LANCL3: variants seen among roughly 807,000 people sequenced by gnomAD.
LANCL3 encodes the protein lanC-like protein 3.
In LANCL3, 19 loss-of-function variants were observed where a neutral mutation model predicts 26.5. The observed-to-expected ratio is 0.72, with a 90% confidence interval of 0.50 to 1.05. LANCL3 has a LOEUF of 1.05. Among genes scored for constraint, LANCL3 ranks in the 50% least tolerant of loss-of-function variants. The pLI is 0.00. For synonymous variants in LANCL3, 160 were observed against 166.6 expected (o/e 0.96, Z 0.30); for missense variants, 318 against 362.7 (o/e 0.88, Z 1.00).
chrX:37,659,605 G>T lies in LANCL3; in HGVS notation c.841G>T (p.Gly281Cys). The change falls in exon 3 of 5, where the codon GGC becomes TGC. Residue 281 changes from glycine to cysteine, a missense_variant. Physicochemically the swap from Gly to Cys is radical, Grantham distance 159. Coordinates refer to ENST00000378619, the MANE Select transcript of LANCL3 (RefSeq NM_001170331.2). ...EQNCNWPPEL[G>C]ETIERENELV... The stretch of plus-strand genomic sequence containing the variant: ...AAACTGCAACTGGCCACCTGAGCTC[G>T]GCGAGACCATCGAGAGAGAGAATGA... 1 of 1,210,354 alleles carries T rather than the reference G, an allele frequency of 8.3e-7. No homozygotes were observed. Among genetic ancestry groups the T allele is most frequent in the Non-Finnish European group, 1.1e-6 (1 of 895,093 alleles).
intron 1 of LANCL3, among the ~76,000 whole-genome samples, chrX:37,629,459 C>A (rs1250867372): frequency 3.7e-5 from 4 of 109,559 alleles, no homozygotes; most frequent in African/African-American, 1.3e-4. Context: ...TTAATTAGAT[C>A]CCATTTGTCA....
chrX:37,647,292 C>T (rs1376814929), intron 1 of LANCL3, among the ~76,000 whole-genome samples: 2 of 104,096 alleles, frequency 1.9e-5, no homozygotes, highest in Non-Finnish European at 3.9e-5. Context: ...CCAGCCTGGG[C>T]GACAGGGCAA....
intron 1 of LANCL3, among the ~76,000 whole-genome samples, chrX:37,644,556 G>C (rs1474984954): frequency 3.6e-5 from 4 of 111,296 alleles, no homozygotes; most frequent in Non-Finnish European, 7.5e-5. Context: ...GCCTGTGTTG[G>C]AAACACTGGA....
At position 37,682,317 on chromosome X, in the gene LANCL3, T is replaced by G. The variant is rs1047062936; in HGVS notation, c.*6504T>G. On this transcript the variant is annotated 3_prime_UTR_variant, in exon 5 of 5. Coordinates refer to ENST00000378619, the MANE Select transcript of LANCL3 (RefSeq NM_001170331.2). ...CGGGGTTTCACCGTTTTAGCCGGGATGGTCTCGATCTCCTGACCTCGTGAT... is the reference window on the plus strand; with the variant it reads ...CGGGGTTTCACCGTTTTAGCCGGGAGGGTCTCGATCTCCTGACCTCGTGAT... 1 of 110,116 alleles carries G rather than the reference T, an allele frequency of 9.1e-6. No individual in the cohort carries two copies. The highest frequency in any genetic ancestry group is 1.9e-5 in the Non-Finnish European group (1 of 52,704). The allele number at this position is 110,116 out of a possible 1,213,427, so 9.1% of individuals were successfully genotyped here. A position where few individuals can be genotyped will look rare whatever the true frequency, so the allele number is the denominator to read the frequency against.
chrX:37,628,737 G>A (rs2091099212), intron 1 of LANCL3, among the ~76,000 whole-genome samples: 1 of 107,857 alleles, frequency 9.3e-6, no homozygotes. Context: ...TGAGAATGAC[G>A]ATTTCTAATT....
intron 1 of LANCL3, 25 bp downstream of exon 1, chrX:37,572,468 A>G (rs1556415847): frequency 8.8e-7 from 1 of 1,141,988 alleles, no homozygotes; most frequent in Non-Finnish European, 1.2e-6. Flanking sequence ...GGGCCGCGGG[A>G]GGGCGCTCGC....
At position 37,572,908 on chromosome X, in the gene LANCL3, A is replaced by G. The variant is rs186407565; in HGVS notation, c.573+465A>G. Among the ~76,000 whole-genome samples the G allele has an allele frequency of 4.3e-3, 480 of 111,907 alleles. 2 individuals are homozygous for G. The highest frequency in any genetic ancestry group is 0.019 in the Middle Eastern group (4 of 215). On this transcript the variant is annotated intron_variant, in intron 1 of 4. Coordinates refer to ENST00000378619, the MANE Select transcript of LANCL3 (RefSeq NM_001170331.2). ...AGCCCTGGGTCTGTAACCAAGAATA[A>G]CTGCTCAGCTGTGGGTCTGATGTGT... is the stretch of plus-strand genomic sequence containing the variant.
chrX:37,619,813 G>A (rs1010557191), intron 1 of LANCL3, among the ~76,000 whole-genome samples: 4 of 111,569 alleles, frequency 3.6e-5, no homozygotes, highest in African/African-American at 1.3e-4. Flanking sequence ...TATTTTTCCT[G>A]GAAATGGAAA....
At chrX:37,666,967 A>C (rs1556434140) in intron 3 of LANCL3, among the ~76,000 whole-genome samples, 1 of 112,298 alleles carries the variant, frequency 8.9e-6, no homozygotes, top group African/African-American at 3.2e-5. Flanking sequence ...AGATTTTATC[A>C]ATCTATGTAC....
intron 1 of LANCL3, among the ~76,000 whole-genome samples, chrX:37,612,007 C>T (rs943046668): frequency 9.0e-6 from 1 of 110,701 alleles, no homozygotes; most frequent in African/African-American, 3.3e-5. Context: ...GTGGCACGAT[C>T]TCGGCTCACT....
chrX:37,640,454 T>A (rs1439250535), intron 1 of LANCL3, among the ~76,000 whole-genome samples: 8 of 111,661 alleles, frequency 7.2e-5, no homozygotes, highest in African/African-American at 2.6e-4. Flanking sequence ...CCCCGACATG[T>A]GAGGATTACG....
chrX:37,596,333 C>T (rs1437961086), intron 1 of LANCL3, among the ~76,000 whole-genome samples: 2 of 111,954 alleles, frequency 1.8e-5, no homozygotes, highest in African/African-American at 3.2e-5. Flanking sequence ...TTCCCTTTAG[C>T]GCAAGTGACT....
intron 1 of LANCL3, among the ~76,000 whole-genome samples, chrX:37,623,266 C>T (rs3117500): frequency 0.26 from 29,217 of 110,946 alleles, 3,721 homozygotes; most frequent in African/African-American, 0.51. Flanking sequence ...CTGAGAAACA[C>T]TTAATTCTCC....
At chrX:37,666,546 A>G (rs1429076015) in intron 3 of LANCL3, among the ~76,000 whole-genome samples, 2 of 112,251 alleles carry the variant, frequency 1.8e-5, no homozygotes, top group Non-Finnish European at 3.8e-5. Context: ...GCAGGAGAGA[A>G]TGTGATCTTG....
At chrX:37,636,820 C>T (rs1274654197) in intron 1 of LANCL3, among the ~76,000 whole-genome samples, 1 of 112,103 alleles carries the variant, frequency 8.9e-6, no homozygotes, top group Non-Finnish European at 1.9e-5. Flanking sequence ...ACACTTTCTT[C>T]ATCTCTTGCA....
intron 2 of LANCL3, among the ~76,000 whole-genome samples, chrX:37,658,424 G>A (rs1227493811): frequency 2.7e-5 from 3 of 112,243 alleles, no homozygotes; most frequent in Non-Finnish European, 5.6e-5. Context: ...AAGACAGTCA[G>A]GCAGGACAAA....
Position 37,672,036 on chromosome X carries a change from C to T in LANCL3, c.1104-3618C>T, listed in dbSNP as rs782416405. Among the ~76,000 whole-genome samples, 5 of 111,889 alleles carry T rather than the reference C, an allele frequency of 4.5e-5. No homozygotes were observed. The South Asian group carries it at 1.9e-3, about 42-fold the overall frequency. On this transcript the variant is annotated intron_variant, in intron 4 of 4. Transcript: ENST00000378619. Reference sequence around the variant, plus strand: ...AATTTCATCAGAAATGAATGAAATTCATTTATTCCCTATAAAGCGTATTAA... The same window carrying T: ...AATTTCATCAGAAATGAATGAAATTTATTTATTCCCTATAAAGCGTATTAA...
intron 1 of LANCL3, among the ~76,000 whole-genome samples, chrX:37,613,147 A>G (rs1371607424): frequency 9.3e-6 from 1 of 107,847 alleles, no homozygotes; most frequent in Non-Finnish European, 1.9e-5. Context: ...CCACACACAA[A>G]CTCTGCATCT....
chrX:37,632,192 G>A (rs375091972), intron 1 of LANCL3, among the ~76,000 whole-genome samples: 11 of 111,887 alleles, frequency 9.8e-5, no homozygotes, highest in East Asian at 8.4e-4. Flanking sequence ...GAATTGATCC[G>A]TTTACCATTA....
Sources: gnomAD v4.1 joint callset for allele counts (sites outside exome capture counted in the v4.1 genomes callset) on GRCh38, gnomAD v4.1.1 for gene constraint, MANE v1.5 for transcripts, NCBI Gene and HGNC (gene_info 2026-07-23, HGNC 2026-07-21) for gene names.